Variants in CASZ1 observed in about 807,000 individuals in gnomAD.
CASZ1 encodes zinc finger protein castor homolog 1.
CASZ1 carries 28 observed loss-of-function variants against 135.2 expected under a neutral mutation model. The ratio of observed to expected loss-of-function variants is 0.21; its 90% CI spans 0.15 to 0.28. The LOEUF (loss-of-function observed/expected upper bound fraction) is 0.28, where lower values mean the gene tolerates loss of function less well. CASZ1 is among the 10% of genes least tolerant of loss of function. The pLI, the probability that CASZ1 is intolerant of heterozygous loss-of-function variation, is 1.00. For synonymous variants in CASZ1, 1,068 were observed against 1,073.4 expected (o/e 0.99, Z 0.10); for missense variants, 2,161 against 2,453.3 (o/e 0.88, Z 2.52).
intron 2 of CASZ1, among the ~76,000 whole-genome samples, chr1:10,730,963 G>A (rs529190230): frequency 5.1e-4 from 78 of 152,162 alleles, no homozygotes; most frequent in African/African-American, 1.6e-3. Flanking sequence ...AAAATTAACC[G>A]GGCATGGTGG....
At chr1:10,685,897 G>A (rs572172447) in intron 4 of CASZ1, among the ~76,000 whole-genome samples, 1 of 152,370 alleles carries the variant, frequency 6.6e-6, no homozygotes, top group Non-Finnish European at 1.5e-5. Flanking sequence ...CCTGGACTCA[G>A]AGGAGCCGGA....
intron 1 of CASZ1, among the ~76,000 whole-genome samples, chr1:10,769,379 TAATG>T (rs1640534222): frequency 6.6e-6 from 1 of 152,180 alleles, no homozygotes; most frequent in Non-Finnish European, 1.5e-5. Context: ...TCTTTTACTT[TAATG>T]AATGAAAGTT....
At chr1:10,671,218 C>T (rs1643387178) in intron 4 of CASZ1, among the ~76,000 whole-genome samples, 1 of 152,220 alleles carries the variant, frequency 6.6e-6, no homozygotes, top group Admixed American at 6.5e-5. Context: ...TCAATCTCCC[C>T]CAGGTCACAG....
intron 3 of CASZ1, among the ~76,000 whole-genome samples, chr1:10,696,739 G>A (rs1038607171): frequency 2.0e-5 from 3 of 152,208 alleles, no homozygotes; most frequent in Non-Finnish European, 4.4e-5. Context: ...TGCAAAGATG[G>A]GGAGCTGCTT....
chr1:10,691,167 AC>A (rs1638756213), intron 4 of CASZ1, among the ~76,000 whole-genome samples: 1 of 150,730 alleles, frequency 6.6e-6, no homozygotes, highest in East Asian at 1.9e-4. Flanking sequence ...TCCGTACACA[AC>A]CATTTGATTT....
chr1:10,705,642 C>T (rs1390927357), intron 2 of CASZ1, 98 bp from the exon 3 acceptor site: 2 of 152,314 alleles, frequency 1.3e-5, no homozygotes, highest in East Asian at 3.8e-4. Flanking sequence ...CGCTCCCTGC[C>T]CCACATGGGC....
At chr1:10,787,112 T>A (rs2100625090) in intron 1 of CASZ1, among the ~76,000 whole-genome samples, 1 of 152,278 alleles carries the variant, frequency 6.6e-6, no homozygotes, top group South Asian at 2.1e-4. Context: ...CAGCCAACCA[T>A]CAGGACACCC....
At chr1:10,698,271 TGGAAAATTATA>T (rs1221343849) in intron 3 of CASZ1, among the ~76,000 whole-genome samples, 4 of 152,350 alleles carry the variant, frequency 2.6e-5, no homozygotes, top group African/African-American at 7.2e-5. Flanking sequence ...AGATATCTAA[TGGAAAATTATA>T]GGAAAATTAT....
At chr1:10,765,717 G>A (rs1193618113) in intron 1 of CASZ1, among the ~76,000 whole-genome samples, 3 of 152,200 alleles carry the variant, frequency 2.0e-5, no homozygotes, top group Non-Finnish European at 4.4e-5. Flanking sequence ...CGCAGCTCAA[G>A]TGCAGAGGGC....
chr1:10,771,263 T>C (rs1168493133), intron 1 of CASZ1, among the ~76,000 whole-genome samples: 4 of 46,564 alleles, frequency 8.6e-5, no homozygotes, highest in Non-Finnish European at 1.6e-4. Flanking sequence ...TCAGGCAGGT[T>C]GGGGAGGTGG....
intron 2 of CASZ1, among the ~76,000 whole-genome samples, chr1:10,714,479 C>G (rs374616278): frequency 6.6e-6 from 1 of 152,334 alleles, no homozygotes; most frequent in African/African-American, 2.4e-5. Flanking sequence ...AGCCTTCCAA[C>G]GACCGGCCCT....
intron 2 of CASZ1, among the ~76,000 whole-genome samples, chr1:10,723,890 G>A (rs1187370886): frequency 2.6e-5 from 4 of 152,154 alleles, no homozygotes; most frequent in Non-Finnish European, 4.4e-5. Flanking sequence ...GCACTGCCTG[G>A]GTCATGTGCC....
rs1418167510 is a variant in CASZ1, at chr1:10,648,086, A to G, written c.3212T>C (p.Phe1071Ser). The G allele has an allele frequency of 1.3e-6, 2 of 1,573,424 alleles. No homozygotes were observed. ...GAAKGNTEAA[F>S]PASAAETKPP... is the part of the protein sequence containing the mutation. The stretch of plus-strand genomic sequence containing the variant: ...TTTGGTCTCGGCGGCCGAGGCCGGA[A>G]AGGCAGCCTCTGTGTTTCCTTTTGC... Residue 1071 changes from phenylalanine (F) to serine (S), a missense_variant, in exon 16 of 21, where the codon TTT becomes TCT. Coordinates refer to ENST00000377022, the MANE Select transcript of CASZ1 (RefSeq NM_001079843.3).
At chr1:10,670,858 C>T (rs879261241) in intron 4 of CASZ1, among the ~76,000 whole-genome samples, 4 of 152,194 alleles carry the variant, frequency 2.6e-5, no homozygotes, top group Non-Finnish European at 5.9e-5. Context: ...AGGACCCGTC[C>T]CCTCCATCCC....
At chr1:10,728,660 G>A (rs958035738) in intron 2 of CASZ1, among the ~76,000 whole-genome samples, 1 of 151,848 alleles carries the variant, frequency 6.6e-6, no homozygotes, top group African/African-American at 2.4e-5. Flanking sequence ...AGGGGTGATT[G>A]ACGGGGGTTG....
chr1:10,678,320 T>C (rs1638301150), intron 4 of CASZ1, among the ~76,000 whole-genome samples: 1 of 152,044 alleles, frequency 6.6e-6, no homozygotes, highest in Non-Finnish European at 1.5e-5. Context: ...CTTGAGCAGT[T>C]GTCAGCCATC....
intron 4 of CASZ1, among the ~76,000 whole-genome samples, chr1:10,665,959 G>T (rs1163554711): frequency 6.6e-6 from 1 of 152,306 alleles, no homozygotes; most frequent in East Asian, 1.9e-4. Context: ...TGAGGCCCAG[G>T]GAGGTTAAGG....
rs1643223556 is a variant in CASZ1 at position 10,666,037 on chromosome 1, C to T, written c.17-466G>A. ...CCTGGCAGCTTGTTCCGCTTGGGAGCGTCCTGCCTTACCACACGTTCCTGG... is the reference window on the plus strand; with the variant it reads ...CCTGGCAGCTTGTTCCGCTTGGGAGTGTCCTGCCTTACCACACGTTCCTGG... On this transcript the variant is annotated intron_variant, in intron 4 of 20. Coordinates refer to ENST00000377022, the MANE Select transcript of CASZ1 (RefSeq NM_001079843.3). The surrounding 1 kb of genome is among the most constrained non-coding windows in gnomAD (Gnocchi z 5.2). Among the ~76,000 whole-genome samples, 1 of 152,110 alleles carries T rather than the reference C, an allele frequency of 6.6e-6. No individual in the cohort carries two copies.
Position 10,651,143 on chromosome 1 carries a change from C to T in CASZ1, c.2681-67G>A, listed in dbSNP as rs568601003. On this transcript the variant is annotated intron_variant, in intron 11 of 20. Transcript: ENST00000377022. ...GCCTGGCCCGGGCACAGACAGCCGC[C>T]GTGCCCCCTGGAGGGAGGGCAGTGG... is the stretch of plus-strand genomic sequence containing the variant. 1.8e-4 allele frequency: 248 copies of T among 1,342,452 alleles called. No individual in the cohort carries two copies. In the African/African-American group the frequency reaches 2.0e-3, roughly 11 times the overall value. The allele number at this position is 1,342,452 out of a possible 1,614,324, so 83.2% of individuals were successfully genotyped here.
Sources: allele counts gnomAD v4.1 joint callset (sites outside exome capture counted in the v4.1 genomes callset), GRCh38; gene constraint gnomAD v4.1.1; non-coding constraint Gnocchi (gnomAD v3.1); transcripts MANE v1.5; gene names NCBI Gene and HGNC (gene_info 2026-07-23, HGNC 2026-07-21).